AIG1: variants seen among roughly 807,000 people sequenced by gnomAD.
AIG1 encodes the protein androgen induced 1.
In AIG1, 23 loss-of-function variants were observed where a neutral mutation model predicts 31.4. The observed-to-expected ratio is 0.73, with a 90% CI of 0.53 to 1.04. The LOEUF is 1.04. AIG1 is among the 50% of genes least tolerant of loss of function. The pLI, the probability that AIG1 is intolerant of heterozygous loss-of-function variation, is 0.00. For missense variants in AIG1, 274 were observed against 295.0 expected (o/e 0.93, Z 0.52); for synonymous variants, 100 against 110.5 (o/e 0.90, Z 0.60).
At chr6:143,129,114 AC>A (rs1359715895) in intron 1 of AIG1, among the ~76,000 whole-genome samples, 1 of 151,838 alleles carries the variant, frequency 6.6e-6, no homozygotes, top group Non-Finnish European at 1.5e-5. Flanking sequence ...ACATGGTGAA[AC>A]CCCATTTCTA....
At chr6:143,143,529 ATATATATATAT>A (rs1280035602) in intron 2 of AIG1, among the ~76,000 whole-genome samples, 1 of 29,426 alleles carries the variant, frequency 3.4e-5, no homozygotes, top group East Asian at 2.3e-3. Context: ...AAAAAAAAAA[ATATATATATAT>A]ATATATATAT....
intron 1 of AIG1, among the ~76,000 whole-genome samples, chr6:143,078,551 T>C (rs1032413487): frequency 1.3e-5 from 2 of 152,202 alleles, no homozygotes; most frequent in African/African-American, 4.8e-5. Context: ...CTCACAGTTC[T>C]ACATGGCTGG....
chr6:143,229,346 C>A (rs1793256277), intron 3 of AIG1, among the ~76,000 whole-genome samples: 1 of 152,180 alleles, frequency 6.6e-6, no homozygotes, highest in East Asian at 1.9e-4. Context: ...GACATATTCA[C>A]TTCTAATATA....
At chr6:143,300,865 C>A (rs1798778116) in intron 4 of AIG1, among the ~76,000 whole-genome samples, 1 of 152,194 alleles carries the variant, frequency 6.6e-6, no homozygotes, top group Admixed American at 6.5e-5. Flanking sequence ...CTGACACATA[C>A]AAATGAGGTG....
intron 3 of AIG1, among the ~76,000 whole-genome samples, chr6:143,195,890 A>G (rs1158030355): frequency 6.6e-6 from 1 of 152,172 alleles, no homozygotes; most frequent in Non-Finnish European, 1.5e-5. Context: ...GCAATTAAAC[A>G]TCTTGTCATG....
chr6:143,220,739 G>A (rs1023835650), intron 3 of AIG1, among the ~76,000 whole-genome samples: 1 of 152,218 alleles, frequency 6.6e-6, no homozygotes, highest in Non-Finnish European at 1.5e-5. Context: ...TACACTTCGA[G>A]TGTTTATTGG....
intron 1 of AIG1, among the ~76,000 whole-genome samples, chr6:143,131,530 G>A (rs1483001082): frequency 6.6e-6 from 1 of 152,216 alleles, no homozygotes; most frequent in Non-Finnish European, 1.5e-5. Flanking sequence ...GAAAGTCAGA[G>A]ATCTGAAGCA....
intron 1 of AIG1, chr6:143,099,622 G>A (rs1332666022): frequency 6.6e-6 from 1 of 152,040 alleles, no homozygotes; most frequent in African/African-American, 2.4e-5. Flanking sequence ...AAAATATTGT[G>A]TTGGTTAGTT....
Position 143,191,331 on chromosome 6 carries a change from A to G in AIG1, c.399+26148A>G, listed in dbSNP as rs531892458. 1.6e-3 allele frequency among the ~76,000 whole-genome samples: 244 copies of G among 152,258 alleles called. 1 individual carries two copies. Among genetic ancestry groups the G allele is most frequent in the African/African-American group, 5.5e-3 (229 of 41,552 alleles). ...GATTAAAAGCATACTACAAGTTTCA[A>G]TTAGCATTAATCCTTTAAAATATGG... On this transcript the variant is annotated intron_variant, in intron 3 of 5. Coordinates refer to ENST00000357847, the MANE Select transcript of AIG1 (RefSeq NM_016108.4).
chr6:143,173,912 G>A (rs1787886305), intron 3 of AIG1, among the ~76,000 whole-genome samples: 1 of 152,156 alleles, frequency 6.6e-6, no homozygotes, highest in Admixed American at 6.5e-5. Flanking sequence ...ATTTGTTCTA[G>A]GGTATAGGTT....
chr6:143,231,723 T>C (rs955689241), intron 3 of AIG1, among the ~76,000 whole-genome samples: 1 of 152,226 alleles, frequency 6.6e-6, no homozygotes, highest in Non-Finnish European at 1.5e-5. Flanking sequence ...ATATTTTACA[T>C]GCTTTATTTT....
chr6:143,282,591 TA>T (rs1289971761), intron 3 of AIG1, among the ~76,000 whole-genome samples: 1 of 152,150 alleles, frequency 6.6e-6, no homozygotes, highest in Non-Finnish European at 1.5e-5. Context: ...ATAAAGAAGA[TA>T]AAAGATAAAG....
intron 5 of AIG1, 168 bp from the exon 6 acceptor site, chr6:143,339,471 C>T: frequency 1.7e-6 from 1 of 577,748 alleles, no homozygotes; most frequent in Non-Finnish European, 2.9e-6. Context: ...GAAAGTTGTG[C>T]ATGGCTTTCC....
rs942038041 is a variant in AIG1 at position 143,325,235 on chromosome 6, C to G, written c.516-8047C>G. ...TTACTAGCCCATCTTTCTTGATCTC[C>G]TTTTTAGGCTCATCATCCTTGACCT... On this transcript the variant is annotated intron_variant, in intron 4 of 5. Transcript: ENST00000357847. The surrounding 1 kb of genome is among the most constrained non-coding windows in gnomAD (Gnocchi z 4.3). 6.6e-6 allele frequency among the ~76,000 whole-genome samples: 1 copy of G among 152,172 alleles called. No individual in the cohort carries two copies. Among genetic ancestry groups the G allele is most frequent in the African/African-American group, 2.4e-5 (1 of 41,430 alleles).
At position 143,258,316 on chromosome 6, in the gene AIG1, A is replaced by G. The variant is rs1437881218; in HGVS notation, c.400-25794A>G. 6.6e-6 allele frequency among the ~76,000 whole-genome samples: 1 copy of G among 152,218 alleles called. No homozygotes were observed. On this transcript the variant is annotated intron_variant, in intron 3 of 5. Transcript: ENST00000357847. This position sits in a 1 kb window ranked among gnomAD's most constrained non-coding sequence, Gnocchi z 4.7. The stretch of plus-strand genomic sequence containing the variant: ...GAGCTCATGTTCATTCAGCCTCTTC[A>G]TGAATTTTGTGAACAATCACCAGCA...
intron 3 of AIG1, among the ~76,000 whole-genome samples, chr6:143,233,585 AAAAAAAGAAAAG>A (rs1031556123): frequency 8.6e-5 from 13 of 151,248 alleles, no homozygotes; most frequent in African/African-American, 2.9e-4. Flanking sequence ...GGACCAAAAA[AAAAAAAGAAAAG>A]AAAAGAAAAG....
chr6:143,336,125 G>A (rs1247742287), intron 5 of AIG1, among the ~76,000 whole-genome samples: 4 of 152,118 alleles, frequency 2.6e-5, no homozygotes, highest in Non-Finnish European at 5.9e-5. Flanking sequence ...GATGAATTGA[G>A]GACATGGGAG....
At chr6:143,121,829 T>TG (rs1782266608) in intron 1 of AIG1, among the ~76,000 whole-genome samples, 1 of 152,248 alleles carries the variant, frequency 6.6e-6, no homozygotes, top group African/African-American at 2.4e-5. Context: ...TTTCACTAAA[T>TG]GTAATATATC....
intron 1 of AIG1, among the ~76,000 whole-genome samples, chr6:143,069,313 G>A (rs1191768241): frequency 1.3e-5 from 2 of 152,034 alleles, no homozygotes; most frequent in Admixed American, 6.6e-5. Flanking sequence ...CACCGCGCGC[G>A]GCCAATTTAT....
Sources: gnomAD v4.1 joint callset for allele counts (sites outside exome capture counted in the v4.1 genomes callset) on GRCh38, gnomAD v4.1.1 for gene constraint, Gnocchi (gnomAD v3.1) non-coding constraint, MANE v1.5 for transcripts, NCBI Gene and HGNC (gene_info 2026-07-23, HGNC 2026-07-21) for gene names.